DDAH1: variants seen among roughly 807,000 people sequenced by gnomAD.
The protein encoded by DDAH1 is dimethylarginine dimethylaminohydrolase 1.
DDAH1 carries 19 observed loss-of-function variants against 28.8 expected under a neutral mutation model. That is an observed-to-expected ratio of 0.66 (90% CI 0.46 to 0.97). DDAH1 has a LOEUF of 0.97. Among genes scored for constraint, DDAH1 ranks in the 50% least tolerant of loss-of-function variants. The pLI, the probability that DDAH1 is intolerant of heterozygous loss-of-function variation, is 0.00. For missense variants in DDAH1, 326 were observed against 375.9 expected, an observed-to-expected ratio of 0.87 and a Z score of 1.10; for synonymous variants, 153 against 154.4, an observed-to-expected ratio of 0.99 and a Z score of 0.07.
chr1:85,578,147 C>T (rs960564589), exon 1 of DDAH1: 1 of 212,058 alleles, frequency 4.7e-6, no homozygotes, highest in Admixed American at 6.5e-5. Context: ...CGATTACTAG[C>T]AGGCGCAACA....
At chr1:85,513,138 G>T (rs1657307925) in intron 1 of DDAH1, among the ~76,000 whole-genome samples, 1 of 152,098 alleles carries the variant, frequency 6.6e-6, no homozygotes, top group African/African-American at 2.4e-5. Context: ...GCATGATACT[G>T]GTACCAAAAC....
chr1:85,369,460 C>T (rs1262387443), intron 1 of DDAH1, among the ~76,000 whole-genome samples: 2 of 152,114 alleles, frequency 1.3e-5, no homozygotes, highest in Non-Finnish European at 2.9e-5. Flanking sequence ...CCTCTGTGAC[C>T]TCTTTTAAAC....
At chr1:85,378,430 A>C (rs1193293810) in intron 1 of DDAH1, among the ~76,000 whole-genome samples, 1 of 152,148 alleles carries the variant, frequency 6.6e-6, no homozygotes, top group African/African-American at 2.4e-5. Flanking sequence ...TTTTTTTGAG[A>C]CAGGGTCTTG....
At chr1:85,347,266 G>T (rs1049460823) in intron 4 of DDAH1, among the ~76,000 whole-genome samples, 1 of 152,182 alleles carries the variant, frequency 6.6e-6, no homozygotes, top group Non-Finnish European at 1.5e-5. Context: ...CCGTTACTGA[G>T]TATATACCCA....
intron 1 of DDAH1, 84 bp from the exon 2 acceptor site, chr1:85,358,931 A>G (rs2100858726): frequency 1.0e-6 from 1 of 994,462 alleles, no homozygotes; most frequent in Non-Finnish European, 1.5e-6. Flanking sequence ...ACACTAAATC[A>G]AGCTCTCGTG....
chr1:85,369,554 G>A (rs1337885486), intron 1 of DDAH1, among the ~76,000 whole-genome samples: 1 of 152,018 alleles, frequency 6.6e-6, no homozygotes, highest in Non-Finnish European at 1.5e-5. Flanking sequence ...TGGCCTATTT[G>A]TCCCAATAAT....
rs146248745 is a variant in DDAH1, at chr1:85,546,150, G to A, written c.-123+31834C>T. 4.7e-4 allele frequency among the ~76,000 whole-genome samples: 71 copies of A among 151,538 alleles called. 1 individual carries two copies. In the East Asian group the frequency reaches 0.012, roughly 25 times the overall value. On this transcript the variant is annotated intron_variant, in intron 1 of 6. Coordinates refer to the DDAH1 transcript ENST00000426972. ...TGTCTCCAAAAAAAAAAAAACATGC[G>A]TTGGAAACTTAATTGCCATTGCAGA...
intron 1 of DDAH1, among the ~76,000 whole-genome samples, chr1:85,372,365 T>C (rs934477242): frequency 2.0e-5 from 3 of 152,158 alleles, no homozygotes; most frequent in Non-Finnish European, 2.9e-5. Context: ...TGTTCTAACA[T>C]TGTGTTAAAA....
At chr1:85,367,773 C>T (rs1650150952) in intron 1 of DDAH1, among the ~76,000 whole-genome samples, 1 of 152,036 alleles carries the variant, frequency 6.6e-6, no homozygotes, top group African/African-American at 2.4e-5. Context: ...AGATGTTGTA[C>T]CTGGAACTGG....
At chr1:85,499,580 C>T (rs577556854) in intron 1 of DDAH1, among the ~76,000 whole-genome samples, 1 of 151,494 alleles carries the variant, frequency 6.6e-6, no homozygotes, top group Non-Finnish European at 1.5e-5. Context: ...GAGGCTGAGG[C>T]AGGAGAATTG....
intron 2 of DDAH1, among the ~76,000 whole-genome samples, chr1:85,481,489 A>G (rs1656013912): frequency 6.6e-6 from 1 of 152,228 alleles, no homozygotes; most frequent in Admixed American, 6.5e-5. Context: ...ATAGTTACAT[A>G]CAAGATGTTA....
intron 1 of DDAH1, among the ~76,000 whole-genome samples, chr1:85,430,576 G>A (rs1265973799): frequency 6.6e-6 from 1 of 152,046 alleles, no homozygotes; most frequent in Non-Finnish European, 1.5e-5. Flanking sequence ...TTATTTCCTT[G>A]AGCAGTGGTT....
chr1:85,320,589 T>G lies in DDAH1; in HGVS notation c.*863A>C, dbSNP rs1260492778. ...AAGCAAAAATTCATGGTATGTGACTTAAAGACTTTCTAAGACATTGTACCC... is the reference window on the plus strand; with the variant it reads ...AAGCAAAAATTCATGGTATGTGACTGAAAGACTTTCTAAGACATTGTACCC... On this transcript the variant is annotated 3_prime_UTR_variant, in exon 6 of 6. Coordinates refer to ENST00000284031, the MANE Select transcript of DDAH1 (RefSeq NM_012137.4). 4 of 152,212 alleles carry G rather than the reference T, an allele frequency of 2.6e-5. No homozygotes were observed. The highest frequency in any genetic ancestry group is 9.7e-5 in the African/African-American group (4 of 41,440). 9.4% of individuals were successfully genotyped at this position (152,212 alleles called of 1,614,324 possible). A position where few individuals can be genotyped will look rare whatever the true frequency, so the allele number is the denominator to read the frequency against.
chr1:85,502,048 A>T lies in DDAH1; in HGVS notation c.-122-5767T>A, dbSNP rs562191596. ...CAAACTTTCTCCATAAAGCTTATCCAGTCTGCTACGCTGGAATTTATGCCA... is the reference window on the plus strand; with the variant it reads ...CAAACTTTCTCCATAAAGCTTATCCTGTCTGCTACGCTGGAATTTATGCCA... On this transcript the variant is annotated intron_variant, in intron 1 of 6. Coordinates refer to the DDAH1 transcript ENST00000426972. 7.9e-4 allele frequency among the ~76,000 whole-genome samples: 120 copies of T among 152,316 alleles called. 1 individual carries two copies. The highest frequency in any genetic ancestry group is 2.8e-3 in the African/African-American group (116 of 41,572).
chr1:85,349,188 A>G (rs564662272), intron 4 of DDAH1, among the ~76,000 whole-genome samples: 1 of 152,244 alleles, frequency 6.6e-6, no homozygotes, highest in East Asian at 1.9e-4. Context: ...AAAGTAAACG[A>G]ACAAAAGCCA....
At chr1:85,454,235 G>T (rs572535506) in intron 1 of DDAH1, among the ~76,000 whole-genome samples, 2 of 152,330 alleles carry the variant, frequency 1.3e-5, no homozygotes, top group African/African-American at 4.8e-5. Flanking sequence ...AAGAAGGAAA[G>T]GTAGAATCAG....
intron 1 of DDAH1, among the ~76,000 whole-genome samples, chr1:85,371,501 AAAC>A (rs1261319628): frequency 7.2e-5 from 11 of 152,208 alleles, no homozygotes; most frequent in Non-Finnish European, 1.5e-5. Context: ...ACTCTACCTC[AAAC>A]AACAACAAAA....
intron 2 of DDAH1, among the ~76,000 whole-genome samples, chr1:85,490,220 C>G (rs1032794902): frequency 1.3e-5 from 2 of 152,022 alleles, no homozygotes; most frequent in Admixed American, 6.6e-5. Flanking sequence ...AATATAGGAA[C>G]AATTTGAGGT....
chr1:85,432,532 T>G (rs754726219), intron 1 of DDAH1, among the ~76,000 whole-genome samples: 1 of 152,202 alleles, frequency 6.6e-6, no homozygotes, highest in Non-Finnish European at 1.5e-5. Flanking sequence ...CTTTTTTCAG[T>G]AGATTCCATC....
Sources: allele counts gnomAD v4.1 joint callset (sites outside exome capture counted in the v4.1 genomes callset), GRCh38; gene constraint gnomAD v4.1.1; transcripts MANE v1.5; gene names NCBI Gene and HGNC (gene_info 2026-07-23, HGNC 2026-07-21).